Variants in NIBAN1 observed in about 807,000 individuals in gnomAD.
NIBAN1 encodes protein Niban 1.
In NIBAN1, 81 loss-of-function variants were observed where a neutral mutation model predicts 75.1. The ratio of observed to expected loss-of-function variants is 1.08; its 90% CI spans 0.90 to 1.30. The LOEUF is 1.30. Ranked by LOEUF, NIBAN1 falls within the 50% of genes most tolerant of loss-of-function variation. NIBAN1 has a pLI of 0.00. For missense variants in NIBAN1, 1,133 were observed against 1,128.1 expected (o/e 1.00, Z -0.06); for synonymous variants, 436 against 424.8 (o/e 1.03, Z -0.32).
intron 1 of NIBAN1, among the ~76,000 whole-genome samples, chr1:184,972,912 T>C (rs2102098652): frequency 6.6e-6 from 1 of 152,324 alleles, no homozygotes. Flanking sequence ...AGCTTTCCAG[T>C]GAAATAAAGT....
intron 1 of NIBAN1, among the ~76,000 whole-genome samples, chr1:184,922,349 C>T (rs1657577551): frequency 6.6e-6 from 1 of 152,080 alleles, no homozygotes; most frequent in African/African-American, 2.4e-5. Flanking sequence ...TTCATTCTAT[C>T]TAACTACATT....
rs967076054 is a variant in NIBAN1 at position 184,915,987 on chromosome 1, A to G, written c.56-16678T>C. ...TGCCACAGAGAATTCTGAAATTTCA[A>G]TATAGTTTCAGAAGTCCACGAACAT... is the stretch of plus-strand genomic sequence containing the variant. On this transcript the variant is annotated intron_variant, in intron 1 of 13. Transcript: ENST00000367511. Among the ~76,000 whole-genome samples the G allele has an allele frequency of 2.6e-5, 4 of 152,234 alleles. No homozygotes were observed. In the East Asian group the frequency reaches 5.8e-4, roughly 22 times the overall value.
In NIBAN1 at chr1:184,899,601, T is replaced by C. The variant is rs192370087; in HGVS notation, c.56-292A>G. On this transcript the variant is annotated intron_variant, in intron 1 of 13. Transcript: ENST00000367511. Reference sequence around the variant, plus strand: ...CCTAAGGACTAAATCCCGTAACCTATTGAGTTTTGCTTTATTTTCTATCAA... The same window carrying C: ...CCTAAGGACTAAATCCCGTAACCTACTGAGTTTTGCTTTATTTTCTATCAA... Among the ~76,000 whole-genome samples the C allele has an allele frequency of 8.5e-4, 130 of 152,174 alleles. 1 individual carries two copies. The highest frequency in any genetic ancestry group is 3.0e-3 in the African/African-American group (124 of 41,526).
chr1:184,841,017 A>G (rs927227761), intron 5 of NIBAN1, among the ~76,000 whole-genome samples: 2 of 151,990 alleles, frequency 1.3e-5, no homozygotes, highest in Non-Finnish European at 2.9e-5. Context: ...TACCAACTAC[A>G]TATGAGACAC....
intron 5 of NIBAN1, among the ~76,000 whole-genome samples, chr1:184,876,071 G>A (rs375178791): frequency 6.6e-6 from 1 of 151,986 alleles, no homozygotes; most frequent in Non-Finnish European, 1.5e-5. Context: ...TACTCAGAAG[G>A]CTGAGGCAGG....
At chr1:184,942,883 C>A (rs1016319948) in intron 1 of NIBAN1, among the ~76,000 whole-genome samples, 1 of 151,994 alleles carries the variant, frequency 6.6e-6, no homozygotes, top group South Asian at 2.1e-4. Flanking sequence ...AAAGGGACCT[C>A]CAAGTGACTC....
intron 10 of NIBAN1, 118 bp downstream of exon 10, chr1:184,807,956 G>T (rs1654252611): frequency 2.5e-6 from 3 of 1,179,264 alleles, no homozygotes; most frequent in Non-Finnish European, 3.8e-6. Context: ...CAACATGATG[G>T]CTAAAGAGAC....
Position 184,806,156 on chromosome 1 carries a change from G to A in NIBAN1, c.1336-100C>T, listed in dbSNP as rs894819067. 12 of 841,994 alleles carry A rather than the reference G, an allele frequency of 1.4e-5. No individual in the cohort carries two copies. In the South Asian group the frequency reaches 1.9e-4, roughly 13 times the overall value. The allele number at this position is 841,994 out of a possible 1,614,324, so 52.2% of individuals were successfully genotyped here. ...GGACTGCAGAGTAGGGGCCATCAGA[G>A]ATGAGTCCCCTCGGCTGCTATTCGG... On this transcript the variant is annotated intron_variant, in intron 10 of 13. Coordinates refer to ENST00000367511, the MANE Select transcript of NIBAN1 (RefSeq NM_052966.4).
intron 9 of NIBAN1, among the ~76,000 whole-genome samples, chr1:184,810,387 TAAC>T (rs1654340361): frequency 1.3e-5 from 2 of 152,222 alleles, no homozygotes; most frequent in Admixed American, 1.3e-4. Context: ...TTTGCATTTT[TAAC>T]AACCAGGTGA....
At chr1:184,884,436 A>G (rs1214731829) in intron 5 of NIBAN1, among the ~76,000 whole-genome samples, 197 bp downstream of exon 5, 4 of 152,108 alleles carry the variant, frequency 2.6e-5, no homozygotes, top group African/African-American at 9.7e-5. Flanking sequence ...CATATTGGTC[A>G]GGCTGGTCTC....
rs34893558 is a variant in NIBAN1, at chr1:184,830,998, C to CAAAA, written c.717+845_717+848dup. Among the ~76,000 whole-genome samples the CAAAA allele has an allele frequency of 2.0e-3, 287 of 146,338 alleles. 1 individual carries two copies. The highest frequency in any genetic ancestry group is 3.6e-3 in the Middle Eastern group (1 of 280). On this transcript the variant is annotated intron_variant, in intron 6 of 13. Transcript: ENST00000367511. ...CTGGGCCACAGAGCGAGACTCCTCT[C>CAAAA]AAAAAAAAAAAAATAGCATTCTTAA...
At chr1:184,854,897 C>T (rs1655634502) in intron 5 of NIBAN1, among the ~76,000 whole-genome samples, 1 of 152,146 alleles carries the variant, frequency 6.6e-6, no homozygotes, top group Non-Finnish European at 1.5e-5. Context: ...ATCTAATTCC[C>T]TTATAGTAAA....
At chr1:184,826,090 C>T (rs1190002577) in intron 6 of NIBAN1, among the ~76,000 whole-genome samples, 1 of 152,148 alleles carries the variant, frequency 6.6e-6, no homozygotes, top group African/African-American at 2.4e-5. Flanking sequence ...GAAACACTCT[C>T]AGGGTGGAGG....
At chr1:184,945,904 T>C (rs1264893838) in intron 1 of NIBAN1, among the ~76,000 whole-genome samples, 1 of 151,994 alleles carries the variant, frequency 6.6e-6, no homozygotes, top group East Asian at 1.9e-4. Flanking sequence ...TGGACAATTT[T>C]GTCTGTATAG....
chr1:184,870,093 T>C (rs914795493), intron 5 of NIBAN1, among the ~76,000 whole-genome samples: 1 of 152,240 alleles, frequency 6.6e-6, no homozygotes, highest in Non-Finnish European at 1.5e-5. Flanking sequence ...TCTGGAATAA[T>C]GCCAGGGACT....
intron 11 of NIBAN1, among the ~76,000 whole-genome samples, chr1:184,804,801 T>C (rs1654146688): frequency 6.6e-6 from 1 of 151,964 alleles, no homozygotes; most frequent in South Asian, 2.1e-4. Context: ...TGTTTTTTGT[T>C]TTTTGAGATA....
intron 12 of NIBAN1, among the ~76,000 whole-genome samples, chr1:184,802,427 C>T (rs1044279913): frequency 1.7e-4 from 26 of 152,174 alleles, no homozygotes; most frequent in African/African-American, 6.3e-4. Context: ...CATCTGTGTG[C>T]AAACCCACCT....
intron 12 of NIBAN1, among the ~76,000 whole-genome samples, chr1:184,798,771 G>A (rs1200965110): frequency 6.6e-6 from 1 of 151,392 alleles, no homozygotes; most frequent in African/African-American, 2.4e-5. Context: ...CCACTTTCCA[G>A]TCTGCACCTC....
At chr1:184,965,309 A>G (rs968485660) in intron 1 of NIBAN1, among the ~76,000 whole-genome samples, 8 of 152,052 alleles carry the variant, frequency 5.3e-5, no homozygotes, top group Non-Finnish European at 1.2e-4. Context: ...AAAAAAAAAA[A>G]AGAGAAGAAT....
Sources: gnomAD v4.1 joint callset for allele counts (sites outside exome capture counted in the v4.1 genomes callset) on GRCh38, gnomAD v4.1.1 for gene constraint, MANE v1.5 for transcripts, NCBI Gene and HGNC (gene_info 2026-07-23, HGNC 2026-07-21) for gene names.